The following SNTB1 variants were observed in gnomAD, a reference collection of about 807,000 sequenced individuals.
SNTB1 encodes the protein beta-1-syntrophin.
SNTB1 carries 36 observed loss-of-function variants against 48.9 expected under a neutral mutation model. The observed-to-expected ratio is 0.74, with a 90% confidence interval of 0.56 to 0.97. The LOEUF (loss-of-function observed/expected upper bound fraction) is 0.97, where lower values mean the gene tolerates loss of function less well. Ranked by LOEUF, SNTB1 falls within the 50% of genes least tolerant of loss-of-function variation. The pLI is 0.00. For synonymous variants in SNTB1, 299 were observed against 294.6 expected, an observed-to-expected ratio of 1.01 and a Z score of -0.15; for missense variants, 786 against 703.4, an observed-to-expected ratio of 1.12 and a Z score of -1.33.
intron 2 of SNTB1, among the ~76,000 whole-genome samples, chr8:120,684,429 G>T (rs969677835): frequency 6.6e-6 from 1 of 152,012 alleles, no homozygotes; most frequent in Non-Finnish European, 1.5e-5. Flanking sequence ...TCTAAAATCT[G>T]AAGTCTCTCT....
intron 3 of SNTB1, among the ~76,000 whole-genome samples, chr8:120,610,258 T>A (rs1816597900): frequency 6.6e-6 from 1 of 152,166 alleles, no homozygotes; most frequent in South Asian, 2.1e-4. Context: ...TGCCTCAGCC[T>A]CCCAGGTAGC....
rs934506274 is a variant in SNTB1 at position 120,571,793 on chromosome 8, C to T, written c.1136+3293G>A. Among the ~76,000 whole-genome samples, 4 of 152,086 alleles carry T rather than the reference C, an allele frequency of 2.6e-5. No homozygotes were observed. In the East Asian group the frequency reaches 7.7e-4, roughly 29 times the overall value. ...GGATTACAGGCATGAGCCAGCATACCCGGCCATGATTACTGCAGTTTTATT... is the reference window on the plus strand; with the variant it reads ...GGATTACAGGCATGAGCCAGCATACTCGGCCATGATTACTGCAGTTTTATT... On this transcript the variant is annotated intron_variant, in intron 4 of 6. Coordinates refer to ENST00000517992, the MANE Select transcript of SNTB1 (RefSeq NM_021021.4).
Position 120,811,408 on chromosome 8 carries a change from G to A in SNTB1, c.436C>T (p.Leu146=). Residue 146 remains leucine, a synonymous_variant, in exon 1 of 7, where the codon CTG becomes TTG. Coordinates refer to ENST00000517992, the MANE Select transcript of SNTB1 (RefSeq NM_021021.4). ...PILISKIFKG[L]AADQTQALYV... is the part of the protein sequence containing the mutation. The stretch of plus-strand genomic sequence containing the variant: ...AGGGCTTGGGTCTGGTCCGCCGCCA[G>A]CCCCTTGAAGATCTTGCTGATGAGG... 1.2e-6 allele frequency: 2 copies of A among 1,613,968 alleles called. No homozygotes were observed. The highest frequency in any genetic ancestry group is 1.7e-6 in the Non-Finnish European group (2 of 1,179,898).
chr8:120,666,852 G>A (rs772864533), intron 2 of SNTB1, among the ~76,000 whole-genome samples: 2 of 151,912 alleles, frequency 1.3e-5, no homozygotes, highest in African/African-American at 2.4e-5. Context: ...CATTTGGTAT[G>A]TTTTCCATCC....
At chr8:120,547,306 G>C (rs1815399786) in intron 5 of SNTB1, among the ~76,000 whole-genome samples, 1 of 152,128 alleles carries the variant, frequency 6.6e-6, no homozygotes, top group African/African-American at 2.4e-5. Flanking sequence ...TAAAAAGTTT[G>C]TTTTTCAGGA....
At chr8:120,561,438 G>A (rs1319727649) in intron 4 of SNTB1, among the ~76,000 whole-genome samples, 1 of 151,822 alleles carries the variant, frequency 6.6e-6, no homozygotes, top group African/African-American at 2.4e-5. Context: ...CTTCTCCAGA[G>A]GTAAACAAGA....
At chr8:120,562,513 G>A (rs918435733) in intron 4 of SNTB1, among the ~76,000 whole-genome samples, 1 of 152,164 alleles carries the variant, frequency 6.6e-6, no homozygotes, top group Non-Finnish European at 1.5e-5. Context: ...ATGGCTGGGT[G>A]TGGAAGGCAA....
At chr8:120,580,843 A>G (rs1365966722) in intron 3 of SNTB1, among the ~76,000 whole-genome samples, 2 of 152,194 alleles carry the variant, frequency 1.3e-5, no homozygotes, top group Non-Finnish European at 2.9e-5. Context: ...ACATAGGGAC[A>G]GGGCTAAGCA....
At chr8:120,673,298 T>C (rs144095156) in intron 2 of SNTB1, among the ~76,000 whole-genome samples, 104 of 151,866 alleles carry the variant, frequency 6.8e-4, no homozygotes, top group African/African-American at 2.4e-3. Context: ...TTCTTTCTTT[T>C]TTTTTTTTTT....
chr8:120,763,297 G>T (rs1379381963), intron 1 of SNTB1, among the ~76,000 whole-genome samples: 2 of 152,150 alleles, frequency 1.3e-5, no homozygotes, highest in African/African-American at 2.4e-5. Flanking sequence ...AGGCTTCCTG[G>T]AATACTCTTA....
intron 1 of SNTB1, among the ~76,000 whole-genome samples, chr8:120,738,925 C>T (rs1047233000): frequency 1.3e-5 from 2 of 152,176 alleles, no homozygotes; most frequent in Non-Finnish European, 2.9e-5. Context: ...ACTAAAACAA[C>T]TTCACTCATC....
intron 1 of SNTB1, among the ~76,000 whole-genome samples, chr8:120,696,771 T>G (rs1004198480): frequency 6.6e-6 from 1 of 152,198 alleles, no homozygotes; most frequent in African/African-American, 2.4e-5. Flanking sequence ...AATTTTAGCT[T>G]ATGTAAAGTT....
chr8:120,668,944 G>C (rs1817716939), intron 2 of SNTB1, among the ~76,000 whole-genome samples: 1 of 152,168 alleles, frequency 6.6e-6, no homozygotes, highest in African/African-American at 2.4e-5. Flanking sequence ...CTCAACTTCA[G>C]ATAGGAGAAA....
chr8:120,555,912 A>G (rs374673834), intron 4 of SNTB1, among the ~76,000 whole-genome samples: 1 of 152,182 alleles, frequency 6.6e-6, no homozygotes, highest in Non-Finnish European at 1.5e-5. Flanking sequence ...TCCGCAAGCC[A>G]GGAAGACAGT....
chr8:120,632,918 G>A (rs915167208), intron 2 of SNTB1, among the ~76,000 whole-genome samples: 4 of 152,154 alleles, frequency 2.6e-5, no homozygotes, highest in African/African-American at 9.7e-5. Context: ...TGATTTTCTT[G>A]TTACTCAGCT....
chr8:120,689,984 G>T (rs1246366661), intron 2 of SNTB1, among the ~76,000 whole-genome samples: 1 of 152,108 alleles, frequency 6.6e-6, no homozygotes, highest in Non-Finnish European at 1.5e-5. Context: ...TTATTTTGTT[G>T]TTTGGGTCTT....
At chr8:120,761,149 C>A (rs1471504380) in intron 1 of SNTB1, 2 of 152,134 alleles carry the variant, frequency 1.3e-5, no homozygotes, top group African/African-American at 4.8e-5. Context: ...CCACCACCTC[C>A]ATTTTAGCGC....
intron 1 of SNTB1, among the ~76,000 whole-genome samples, chr8:120,731,194 T>C (rs1023083051): frequency 2.6e-5 from 4 of 152,146 alleles, no homozygotes; most frequent in Admixed American, 1.3e-4. Flanking sequence ...GTATTTTCAG[T>C]TAAATGAATA....
chr8:120,615,377 C>T lies in SNTB1; in HGVS notation c.996+17067G>A, dbSNP rs531322475. The stretch of plus-strand genomic sequence containing the variant: ...GTCAGATTCTCAGCTGAGGGCTCAC[C>T]GAATGCAAAGGTCAGCAGCTTGGCA... On this transcript the variant is annotated intron_variant, in intron 3 of 6. Coordinates refer to ENST00000517992, the MANE Select transcript of SNTB1 (RefSeq NM_021021.4). Among the ~76,000 whole-genome samples, 32 of 152,178 alleles carry T rather than the reference C, an allele frequency of 2.1e-4. No homozygotes were observed. The South Asian group carries it at 3.9e-3, about 19-fold the overall frequency.
Sources: allele counts gnomAD v4.1 joint callset (sites outside exome capture counted in the v4.1 genomes callset), GRCh38; gene constraint gnomAD v4.1.1; transcripts MANE v1.5; gene names NCBI Gene and HGNC (gene_info 2026-07-23, HGNC 2026-07-21).